Variants in CWH43 observed in about 807,000 individuals in gnomAD.
CWH43 encodes the protein PGAP2-interacting protein.
Under a neutral mutation model 85.7 loss-of-function variants are expected in CWH43, and 91 were observed. The ratio of observed to expected loss-of-function variants is 1.06; its 90% CI spans 0.90 to 1.26. The LOEUF is 1.26. CWH43 is among the 50% of genes most tolerant of loss of function. CWH43 has a pLI of 0.00. For synonymous variants in CWH43, 323 were observed against 293.6 expected, an observed-to-expected ratio of 1.10 and a Z score of -1.02; for missense variants, 869 against 839.2, an observed-to-expected ratio of 1.04 and a Z score of -0.44.
intron 5 of CWH43, among the ~76,000 whole-genome samples, chr4:48,995,237 T>A (rs1408593158): frequency 6.6e-6 from 1 of 152,190 alleles, no homozygotes; most frequent in Non-Finnish European, 1.5e-5. Context: ...CTAGGTTGGC[T>A]GCCTGGGGCA....
intron 9 of CWH43, 121 bp from the exon 10 acceptor site, chr4:49,028,508 A>T: frequency 1.6e-6 from 1 of 606,682 alleles, no homozygotes. Flanking sequence ...ATGTGGGAAA[A>T]TGTCTAAGGA....
intron 3 of CWH43, 90 bp downstream of exon 3, chr4:48,991,664 T>A (rs1782663560): frequency 1.4e-6 from 2 of 1,449,416 alleles, no homozygotes; most frequent in African/African-American, 2.9e-5. Flanking sequence ...GGTTATAGTT[T>A]TTACCTTCCA....
At chr4:49,011,270 C>T (rs1013401746) in intron 8 of CWH43, among the ~76,000 whole-genome samples, 10 of 152,082 alleles carry the variant, frequency 6.6e-5, no homozygotes, top group African/African-American at 2.4e-4. Flanking sequence ...TGGTTTAAAG[C>T]CTGTTGTATC....
chr4:49,009,574 C>G (rs571043306), intron 8 of CWH43, among the ~76,000 whole-genome samples: 6 of 152,210 alleles, frequency 3.9e-5, no homozygotes, highest in Non-Finnish European at 7.4e-5. Context: ...CGGAATGCTT[C>G]CAGTTTTTGC....
rs1782564786 is a variant in CWH43 at position 48,988,652 on chromosome 4, G to T, written c.219G>T (p.Leu73=). 2 of 1,603,306 alleles carry T rather than the reference G, an allele frequency of 1.2e-6. No homozygotes were observed. Among genetic ancestry groups the T allele is most frequent in the African/African-American group, 1.3e-5 (1 of 74,336 alleles). ...ACAAGAAGTGGATGCTAACCCTGCT[G>T]AGGATAATCACTATTGGTAAGATTT... ...LVNKKWMLTL[L]RIITIGSIAS... Residue 73 remains leucine, a synonymous_variant, in exon 2 of 16, where the codon CTG becomes CTT. Coordinates refer to ENST00000226432, the MANE Select transcript of CWH43 (RefSeq NM_025087.3).
intron 6 of CWH43, among the ~76,000 whole-genome samples, chr4:48,999,790 G>T (rs1350121): frequency 0.62 from 93,860 of 151,918 alleles, 31,246 homozygotes; most frequent in Middle Eastern, 0.79. Flanking sequence ...CATGTAACAG[G>T]GGAGCTCCCA....
intron 3 of CWH43, 95 bp downstream of exon 3, chr4:48,991,669 C>T (rs1325066590): frequency 1.4e-5 from 20 of 1,402,266 alleles, no homozygotes; most frequent in Admixed American, 2.2e-5. Flanking sequence ...TAGTTTTTAC[C>T]TTCCATATGG....
At chr4:48,988,403 T>A in intron 1 of CWH43, 74 bp from the exon 2 acceptor site, 1 of 1,193,090 alleles carries the variant, frequency 8.4e-7, no homozygotes, top group Non-Finnish European at 1.2e-6. Context: ...GCGGCTGGAG[T>A]GGAGGGACAG....
chr4:49,052,527 T>C (rs1784830374), intron 15 of CWH43, among the ~76,000 whole-genome samples: 1 of 152,196 alleles, frequency 6.6e-6, no homozygotes, highest in Non-Finnish European at 1.5e-5. Context: ...CTCCTTTTGC[T>C]GATTGAGATG....
chr4:48,994,821 G>C lies in CWH43; in HGVS notation c.713+1G>C. Reference sequence around the variant, plus strand: ...CAGGGCCAGATCCTAACCCATTTGGGTGAGTTTGGGTTTGGAAGCAATCAC... The same window carrying C: ...CAGGGCCAGATCCTAACCCATTTGGCTGAGTTTGGGTTTGGAAGCAATCAC... On this transcript the variant is annotated splice_donor_variant, in intron 5 of 15. Transcript: ENST00000226432. LOFTEE classifies it high-confidence loss of function. The C allele has an allele frequency of 6.2e-7, 1 of 1,613,492 alleles. No individual in the cohort carries two copies. The highest frequency in any genetic ancestry group is 2.2e-5 in the East Asian group (1 of 44,880).
chr4:48,991,895 G>A (rs780534387), intron 3 of CWH43, 41 bp from the exon 4 acceptor site: 1 of 1,541,292 alleles, frequency 6.5e-7, no homozygotes, highest in Non-Finnish European at 8.9e-7. Flanking sequence ...AGTACATTGA[G>A]TCCACATAAA....
intron 10 of CWH43, 149 bp from the exon 11 acceptor site, chr4:49,030,676 A>G: frequency 1.7e-6 from 1 of 585,092 alleles, no homozygotes; most frequent in Non-Finnish European, 2.6e-6. Flanking sequence ...GATTTGAGCC[A>G]CTTCTCTCTA....
chr4:48,996,997 T>C (rs969289724), intron 5 of CWH43, among the ~76,000 whole-genome samples: 4 of 152,238 alleles, frequency 2.6e-5, no homozygotes, highest in African/African-American at 7.2e-5. Flanking sequence ...GAGGAAATAG[T>C]GCATTTCAAT....
intron 12 of CWH43, among the ~76,000 whole-genome samples, chr4:49,034,216 A>C (rs1175905431): frequency 2.0e-5 from 3 of 152,154 alleles, no homozygotes; most frequent in Non-Finnish European, 4.4e-5. Context: ...AGTGATTTTC[A>C]TGTAGCAAGT....
chr4:49,057,978 T>C (rs764246300), intron 15 of CWH43, among the ~76,000 whole-genome samples: 1 of 152,220 alleles, frequency 6.6e-6, no homozygotes, highest in Non-Finnish European at 1.5e-5. Context: ...ACCTTCGCTT[T>C]CAGTCTATGT....
intron 9 of CWH43, among the ~76,000 whole-genome samples, chr4:49,026,136 C>T (rs568978818): frequency 2.6e-4 from 40 of 152,200 alleles, no homozygotes; most frequent in African/African-American, 7.9e-4. Context: ...GGGAGAAAGC[C>T]GGCAGCCACA....
At chr4:49,010,080 A>G (rs1001160921) in intron 8 of CWH43, among the ~76,000 whole-genome samples, 8 of 152,174 alleles carry the variant, frequency 5.3e-5, no homozygotes, top group African/African-American at 1.9e-4. Context: ...CCTGTGGTAG[A>G]ATTCGGCTGT....
intron 1 of CWH43, among the ~76,000 whole-genome samples, chr4:48,987,997 A>G (rs1782545052): frequency 6.6e-6 from 1 of 152,154 alleles, no homozygotes; most frequent in Admixed American, 6.5e-5. Context: ...TTCAACTCAG[A>G]TGGTCCAAAT....
intron 5 of CWH43, among the ~76,000 whole-genome samples, chr4:48,995,581 C>G (rs1031703247): frequency 6.6e-6 from 1 of 152,154 alleles, no homozygotes; most frequent in Non-Finnish European, 1.5e-5. Flanking sequence ...TGGGCATATC[C>G]CACAGGCTTG....
Sources: gnomAD v4.1 joint callset for allele counts (sites outside exome capture counted in the v4.1 genomes callset) on GRCh38, gnomAD v4.1.1 for gene constraint, MANE v1.5 for transcripts, NCBI Gene and HGNC (gene_info 2026-07-23, HGNC 2026-07-21) for gene names.